The following GPC5 variants were observed in gnomAD, a reference collection of about 807,000 sequenced individuals.
GPC5 encodes glypican-5.
In GPC5, 47 loss-of-function variants were observed where a neutral mutation model predicts 53.9. The ratio of observed to expected loss-of-function variants is 0.87; its 90% CI spans 0.69 to 1.11. The LOEUF (loss-of-function observed/expected upper bound fraction) is 1.11, where lower values mean the gene tolerates loss of function less well. Among genes scored for constraint, GPC5 ranks in the 50% most tolerant of loss-of-function variants. The pLI, the probability that GPC5 is intolerant of heterozygous loss-of-function variation, is 0.00. For synonymous variants in GPC5, 286 were observed against 263.3 expected, an observed-to-expected ratio of 1.09 and a Z score of -0.84; for missense variants, 748 against 713.1, an observed-to-expected ratio of 1.05 and a Z score of -0.56.
chr13:92,059,439 C>G (rs1389463538), intron 6 of GPC5, among the ~76,000 whole-genome samples: 1 of 151,920 alleles, frequency 6.6e-6, no homozygotes, highest in African/African-American at 2.4e-5. Flanking sequence ...CAAAGGCAAC[C>G]ATTATTTATG....
At chr13:91,779,051 C>T (rs1233260382) in intron 5 of GPC5, among the ~76,000 whole-genome samples, 1 of 152,172 alleles carries the variant, frequency 6.6e-6, no homozygotes, top group Admixed American at 6.5e-5. Context: ...TCCTGTATAG[C>T]ATGGAGCTTG....
intron 2 of GPC5, among the ~76,000 whole-genome samples, chr13:91,589,530 T>C (rs2032720950): frequency 6.6e-6 from 1 of 152,118 alleles, no homozygotes; most frequent in Admixed American, 6.6e-5. Flanking sequence ...TCTAAATGAC[T>C]CTCACTACTT....
Position 92,144,945 on chromosome 13 carries a change from G to A in GPC5, c.1517G>A (p.Gly506Glu). ...TGTGATGATGAAGATGGTTGCGGGGGATCAGGAAGTGGAGAAGTCAAGAGG... is the reference window on the plus strand; with the variant it reads ...TGTGATGATGAAGATGGTTGCGGGGAATCAGGAAGTGGAGAAGTCAAGAGG... ...GDCDDEDGCG[G>E]SGSGEVKRTL... The change falls in exon 7 of 8, where the codon GGA becomes GAA. Residue 506 changes from glycine (G) to glutamate (E), a missense_variant. Transcript: ENST00000377067. 1 of 1,578,506 alleles carries A rather than the reference G, an allele frequency of 6.3e-7. No individual in the cohort carries two copies.
intron 7 of GPC5, among the ~76,000 whole-genome samples, chr13:92,660,852 T>C (rs1275576151): frequency 1.3e-5 from 2 of 152,146 alleles, no homozygotes; most frequent in Non-Finnish European, 2.9e-5. Flanking sequence ...GCTATTCAGC[T>C]CTGGAAACAT....
At chr13:92,613,192 G>A (rs372331833) in intron 7 of GPC5, among the ~76,000 whole-genome samples, 8 of 140,502 alleles carry the variant, frequency 5.7e-5, no homozygotes, top group Non-Finnish European at 1.1e-4. Flanking sequence ...GACTGTGTTC[G>A]CAATATATGA....
intron 7 of GPC5, among the ~76,000 whole-genome samples, chr13:92,330,187 A>G (rs917196448): frequency 6.6e-6 from 1 of 152,176 alleles, no homozygotes; most frequent in Admixed American, 6.6e-5. Flanking sequence ...CTCAAGTTGT[A>G]GCCTGGAGGG....
intron 1 of GPC5, among the ~76,000 whole-genome samples, chr13:91,426,940 C>T (rs1879098861): frequency 6.6e-6 from 1 of 152,228 alleles, no homozygotes; most frequent in South Asian, 2.1e-4. Flanking sequence ...CAATGTACAA[C>T]TCAGGCTGTT....
At chr13:92,406,318 G>A (rs1369049410) in intron 7 of GPC5, among the ~76,000 whole-genome samples, 2 of 152,076 alleles carry the variant, frequency 1.3e-5, no homozygotes, top group Non-Finnish European at 2.9e-5. Flanking sequence ...TCCAATTTTG[G>A]ATCCCATTAC....
chr13:91,557,795 A>G (rs781626536), intron 2 of GPC5, among the ~76,000 whole-genome samples: 4 of 152,112 alleles, frequency 2.6e-5, no homozygotes, highest in African/African-American at 4.8e-5. Flanking sequence ...GGCAAACATA[A>G]TGTGCAAAGA....
intron 6 of GPC5, among the ~76,000 whole-genome samples, chr13:92,119,938 A>G (rs1385426479): frequency 2.0e-5 from 3 of 152,176 alleles, no homozygotes; most frequent in Non-Finnish European, 4.4e-5. Context: ...ATACAAAACA[A>G]GCTACCAGCA....
intron 3 of GPC5, among the ~76,000 whole-genome samples, chr13:91,706,365 A>C (rs535363855): frequency 1.3e-5 from 2 of 152,186 alleles, no homozygotes; most frequent in South Asian, 2.1e-4. Flanking sequence ...TTTTATCTGA[A>C]AAGTGTCAAT....
rs1339846878 is a variant in GPC5 at position 92,381,878 on chromosome 13, G to C, written c.1561+236889G>C. On this transcript the variant is annotated intron_variant, in intron 7 of 7. Transcript: ENST00000377067. ...ATATGATTATATATATCATATATAT[G>C]ATTATATATATTATATATAATCATA... Among the ~76,000 whole-genome samples the C allele has an allele frequency of 9.5e-3, 725 of 76,098 alleles. 11 individuals carry two copies. Among genetic ancestry groups the C allele is most frequent in the South Asian group, 0.021 (58 of 2,806 alleles). The allele number at this position is 76,098 out of a possible 152,430, so 49.9% of individuals were successfully genotyped here.
chr13:92,635,217 G>A (rs1029212794), intron 7 of GPC5, among the ~76,000 whole-genome samples: 3 of 151,996 alleles, frequency 2.0e-5, no homozygotes, highest in African/African-American at 4.8e-5. Context: ...GGATATACAC[G>A]TTCTTTTGAT....
intron 2 of GPC5, among the ~76,000 whole-genome samples, chr13:91,585,176 G>T (rs1219522178): frequency 6.6e-6 from 1 of 152,098 alleles, no homozygotes; most frequent in Non-Finnish European, 1.5e-5. Context: ...ATGTTGACAA[G>T]ATGATGAATT....
intron 7 of GPC5, among the ~76,000 whole-genome samples, chr13:92,783,105 C>T: frequency 6.6e-6 from 1 of 152,162 alleles, no homozygotes; most frequent in Non-Finnish European, 1.5e-5. Context: ...TCAAAGAGCT[C>T]ATGCTGTTTT....
At chr13:91,593,502 T>C (rs7982960) in intron 2 of GPC5, among the ~76,000 whole-genome samples, 141,253 of 152,186 alleles carry the variant, frequency 0.93, 66,443 homozygotes, top group East Asian at 1. Context: ...TTTAGTAGAA[T>C]TGTTTTTTCC....
chr13:92,770,269 T>C lies in GPC5; in HGVS notation c.1562-96013T>C, dbSNP rs570645361. 1.1e-4 allele frequency among the ~76,000 whole-genome samples: 16 copies of C among 151,508 alleles called. No individual in the cohort carries two copies. The South Asian group carries it at 3.1e-3, about 30-fold the overall frequency. On this transcript the variant is annotated intron_variant, in intron 7 of 7. Coordinates refer to ENST00000377067, the MANE Select transcript of GPC5 (RefSeq NM_004466.6). ...TCTCTAAAAGATATCAAAAAATTAG[T>C]TGGGGGTGGTGGCTCCTGCCTGTCA...
intron 7 of GPC5, among the ~76,000 whole-genome samples, chr13:92,666,691 G>A (rs1436048621): frequency 6.6e-6 from 1 of 152,190 alleles, no homozygotes; most frequent in Non-Finnish European, 1.5e-5. Context: ...TTTGAAGGGA[G>A]AACATTAGTG....
At chr13:91,414,057 A>C (rs950020841) in intron 1 of GPC5, among the ~76,000 whole-genome samples, 3 of 152,088 alleles carry the variant, frequency 2.0e-5, no homozygotes, top group Non-Finnish European at 4.4e-5. Flanking sequence ...CATTTCCCCC[A>C]CTGCCCCAGT....
Sources: allele counts gnomAD v4.1 joint callset (sites outside exome capture counted in the v4.1 genomes callset), GRCh38; gene constraint gnomAD v4.1.1; transcripts MANE v1.5; gene names NCBI Gene and HGNC (gene_info 2026-07-23, HGNC 2026-07-21).